The following DLG2 variants were observed in gnomAD, a reference collection of about 807,000 sequenced individuals.
The protein encoded by DLG2 is discs large MAGUK scaffold protein 2.
DLG2 carries 45 observed loss-of-function variants against 132.5 expected under a neutral mutation model. That is an observed-to-expected ratio of 0.34 (90% CI 0.27 to 0.44). The LOEUF (loss-of-function observed/expected upper bound fraction) is 0.44, where lower values mean the gene tolerates loss of function less well. DLG2 is among the 20% of genes least tolerant of loss of function. The probability of loss-of-function intolerance (pLI) is 1.00; values close to 1 mark genes in which losing one functional copy is unlikely to be tolerated. For missense variants in DLG2, 1,045 were observed against 1,196.9 expected, an observed-to-expected ratio of 0.87 and a Z score of 1.87; for synonymous variants, 424 against 419.6, an observed-to-expected ratio of 1.01 and a Z score of -0.13.
chr11:84,134,134 C>A (rs1432547261), intron 9 of DLG2, among the ~76,000 whole-genome samples: 1 of 151,960 alleles, frequency 6.6e-6, no homozygotes, highest in Non-Finnish European at 1.5e-5. Context: ...TCTAGTTGAG[C>A]ACAGGGAAGG....
At chr11:84,459,112 A>C (rs986120215) in intron 7 of DLG2, among the ~76,000 whole-genome samples, 1 of 150,612 alleles carries the variant, frequency 6.6e-6, no homozygotes, top group Admixed American at 6.6e-5. Flanking sequence ...ACATGGATCT[A>C]ACAATTTTTC....
At chr11:83,769,437 C>T (rs1353210770) in intron 18 of DLG2, among the ~76,000 whole-genome samples, 1 of 151,852 alleles carries the variant, frequency 6.6e-6, no homozygotes, top group Non-Finnish European at 1.5e-5. Context: ...ACATGAAGTA[C>T]AAGTCTGAGG....
At chr11:85,255,522 A>G (rs909986356) in intron 4 of DLG2, among the ~76,000 whole-genome samples, 5 of 152,214 alleles carry the variant, frequency 3.3e-5, no homozygotes. Flanking sequence ...GTAAAGAGTT[A>G]TTATTCATTT....
intron 19 of DLG2, among the ~76,000 whole-genome samples, chr11:83,616,326 G>A (rs2060804044): frequency 6.6e-6 from 1 of 152,034 alleles, no homozygotes; most frequent in African/African-American, 2.4e-5. Flanking sequence ...CCAATGTGGT[G>A]GTTTACTTCC....
intron 6 of DLG2, among the ~76,000 whole-genome samples, chr11:85,014,699 C>T (rs1485450014): frequency 6.6e-6 from 1 of 152,140 alleles, no homozygotes; most frequent in African/African-American, 2.4e-5. Context: ...CTTCAAAGCC[C>T]CACCCGGACC....
intron 6 of DLG2, among the ~76,000 whole-genome samples, chr11:84,641,639 T>C (rs1224546092): frequency 6.6e-6 from 1 of 152,136 alleles, no homozygotes; most frequent in Non-Finnish European, 1.5e-5. Context: ...GTAGTTTAAG[T>C]GGCTCCAAGG....
intron 6 of DLG2, among the ~76,000 whole-genome samples, chr11:84,888,970 T>C (rs893944314): frequency 2.6e-5 from 4 of 152,142 alleles, no homozygotes; most frequent in South Asian, 2.1e-4. Flanking sequence ...ATTGACACAA[T>C]TGAATATTAA....
At chr11:84,632,926 G>A (rs1029307135) in intron 6 of DLG2, among the ~76,000 whole-genome samples, 5 of 152,294 alleles carry the variant, frequency 3.3e-5, no homozygotes, top group Non-Finnish European at 5.9e-5. Flanking sequence ...CACATTAAAT[G>A]TATACCTTCT....
chr11:84,959,362 G>C (rs962554419), intron 6 of DLG2, among the ~76,000 whole-genome samples: 2 of 152,110 alleles, frequency 1.3e-5, no homozygotes, highest in Admixed American at 1.3e-4. Flanking sequence ...AATGTTCTAG[G>C]GGCTCAGGAG....
intron 22 of DLG2, among the ~76,000 whole-genome samples, chr11:83,473,832 G>A (rs759091925): frequency 3.9e-5 from 6 of 152,096 alleles, no homozygotes; most frequent in Non-Finnish European, 8.8e-5. Flanking sequence ...ACCACAGAAA[G>A]AGAGGTAATT....
At chr11:84,561,753 TA>T (rs1242360603) in intron 6 of DLG2, among the ~76,000 whole-genome samples, 1 of 152,084 alleles carries the variant, frequency 6.6e-6, no homozygotes, top group African/African-American at 2.4e-5. Flanking sequence ...GCTAAGAAAA[TA>T]TTTGAAAGGC....
chr11:84,993,151 C>T (rs371894092), intron 6 of DLG2, among the ~76,000 whole-genome samples: 6 of 152,120 alleles, frequency 3.9e-5, no homozygotes, highest in African/African-American at 1.4e-4. Flanking sequence ...TGGAAGCTAA[C>T]TAACAGAGGA....
intron 3 of DLG2, among the ~76,000 whole-genome samples, chr11:85,462,773 C>G (rs1274675124): frequency 5.9e-5 from 9 of 151,868 alleles, no homozygotes; most frequent in African/African-American, 2.2e-4. Flanking sequence ...GCACGTTTTG[C>G]TCATGTACCC....
At chr11:84,638,331 C>G (rs561269391) in intron 6 of DLG2, among the ~76,000 whole-genome samples, 1 of 152,158 alleles carries the variant, frequency 6.6e-6, no homozygotes, top group African/African-American at 2.4e-5. Context: ...AATAATACCA[C>G]AGACAAGATG....
At chr11:84,832,439 T>C (rs2079162458) in intron 6 of DLG2, among the ~76,000 whole-genome samples, 1 of 151,624 alleles carries the variant, frequency 6.6e-6, no homozygotes, top group Non-Finnish European at 1.5e-5. Context: ...GTGGCCTTTC[T>C]TGACTTCCAA....
intron 18 of DLG2, among the ~76,000 whole-genome samples, chr11:83,678,393 G>C (rs1436269112): frequency 6.6e-6 from 1 of 152,188 alleles, no homozygotes; most frequent in Non-Finnish European, 1.5e-5. Flanking sequence ...ATAAGCAGAA[G>C]CTCCCAGTCC....
intron 3 of DLG2, among the ~76,000 whole-genome samples, chr11:85,405,525 A>C (rs1437832516): frequency 6.6e-6 from 1 of 152,022 alleles, no homozygotes; most frequent in Non-Finnish European, 1.5e-5. Context: ...GTATATTTAA[A>C]AACAGTTAAT....
intron 4 of DLG2, among the ~76,000 whole-genome samples, chr11:85,275,518 TTAAC>T (rs1323407057): frequency 1.3e-5 from 2 of 152,258 alleles, no homozygotes; most frequent in East Asian, 3.9e-4. Context: ...CATAAAATGT[TTAAC>T]TAATAGTGCA....
chr11:84,990,933 T>C (rs12294973), intron 6 of DLG2, among the ~76,000 whole-genome samples: 85,160 of 151,896 alleles, frequency 0.56, 24,566 homozygotes, highest in African/African-American at 0.7. Context: ...CTACTGATAG[T>C]AGATTTATTC....
Sources: gnomAD v4.1 joint callset for allele counts (sites outside exome capture counted in the v4.1 genomes callset) on GRCh38, gnomAD v4.1.1 for gene constraint, MANE v1.5 for transcripts, NCBI Gene and HGNC (gene_info 2026-07-23, HGNC 2026-07-21) for gene names.